FKBP9: variants seen among roughly 807,000 people sequenced by gnomAD.
The protein encoded by FKBP9 is peptidyl-prolyl cis-trans isomerase FKBP9.
Under a neutral mutation model 55.6 loss-of-function variants are expected in FKBP9, and 27 were observed. The ratio of observed to expected loss-of-function variants is 0.49; its 90% CI spans 0.36 to 0.67. The LOEUF (loss-of-function observed/expected upper bound fraction) is 0.67, where lower values mean the gene tolerates loss of function less well. FKBP9 is among the 30% of genes least tolerant of loss of function. The pLI, the probability that FKBP9 is intolerant of heterozygous loss-of-function variation, is 0.00. For missense variants in FKBP9, 539 were observed against 742.8 expected, an observed-to-expected ratio of 0.73 and a Z score of 3.19; for synonymous variants, 267 against 296.5, an observed-to-expected ratio of 0.90 and a Z score of 1.02.
intron 6 of FKBP9, among the ~76,000 whole-genome samples, chr7:32,990,839 A>G (rs1458302516): frequency 3.9e-5 from 6 of 152,208 alleles, no homozygotes; most frequent in African/African-American, 1.2e-4. Flanking sequence ...CATCATATGT[A>G]TCTTGAGAGT....
chr7:32,963,568 A>T, intron 1 of FKBP9: 19 of 1,306,402 alleles, frequency 1.5e-5, no homozygotes, highest in Non-Finnish European at 1.9e-5. Context: ...CGGAGGATAA[A>T]GCTGACAAAA....
At chr7:32,980,320 A>G in intron 4 of FKBP9, 44 bp from the exon 5 acceptor site, 2 of 1,549,012 alleles carry the variant, frequency 1.3e-6, no homozygotes, top group Middle Eastern at 1.7e-4. Flanking sequence ...AGTACTTCCT[A>G]AATCCTGTGT....
intron 9 of FKBP9, among the ~76,000 whole-genome samples, chr7:33,004,403 C>T (rs575302456): frequency 5.4e-4 from 83 of 152,314 alleles, no homozygotes; most frequent in African/African-American, 1.9e-3. Flanking sequence ...CCACTTTACC[C>T]GGCCACACCT....
rs765311311 is a variant in FKBP9, at chr7:32,996,126, A to G, written c.1040-37A>G. On this transcript the variant is annotated intron_variant, in intron 6 of 9. Transcript: ENST00000242209. ...GGGAGGCCCATGTGCTGCAGCCTGC[A>G]GGGGTCATTCATTAATTCCCCGTGT... is the stretch of plus-strand genomic sequence containing the variant. 8.7e-6 allele frequency: 14 copies of G among 1,601,150 alleles called. 1 individual carries two copies. In the South Asian group the frequency reaches 1.6e-4, roughly 18 times the overall value.
intron 1 of FKBP9, among the ~76,000 whole-genome samples, chr7:32,963,030 T>C (rs1393891656): frequency 6.6e-6 from 1 of 152,204 alleles, no homozygotes; most frequent in Non-Finnish European, 1.5e-5. Flanking sequence ...GTATTATGCA[T>C]AGATACCTCT....
intron 4 of FKBP9, among the ~76,000 whole-genome samples, chr7:32,978,264 C>G (rs1289765797): frequency 2.0e-5 from 3 of 151,362 alleles, no homozygotes; most frequent in Middle Eastern, 3.4e-3. Flanking sequence ...CAGATGGTTT[C>G]TTAAACAGAG....
intron 9 of FKBP9, among the ~76,000 whole-genome samples, chr7:33,003,745 C>T (rs1049463566): frequency 2.0e-5 from 3 of 152,220 alleles, no homozygotes; most frequent in South Asian, 2.1e-4. Context: ...CTCCCTGGTA[C>T]GTCCCTCTCA....
chr7:32,986,528 C>G (rs1387736542), intron 5 of FKBP9, among the ~76,000 whole-genome samples: 3 of 152,214 alleles, frequency 2.0e-5, no homozygotes, highest in Non-Finnish European at 1.5e-5. Context: ...GCCTTCCTGG[C>G]CAGTGCACCA....
At chr7:32,986,439 G>A (rs966129643) in intron 5 of FKBP9, among the ~76,000 whole-genome samples, 3 of 152,318 alleles carry the variant, frequency 2.0e-5, no homozygotes, top group South Asian at 4.1e-4. Flanking sequence ...TGGGAACCTC[G>A]GGAGGGTGAG....
chr7:32,998,102 A>G (rs1434911402), intron 7 of FKBP9, among the ~76,000 whole-genome samples: 1 of 152,228 alleles, frequency 6.6e-6, no homozygotes, highest in Non-Finnish European at 1.5e-5. Flanking sequence ...CCAGATGTAC[A>G]GGGACCTGGC....
At chr7:32,984,358 A>G (rs974872241) in intron 5 of FKBP9, among the ~76,000 whole-genome samples, 4 of 151,994 alleles carry the variant, frequency 2.6e-5, no homozygotes, top group African/African-American at 9.7e-5. Context: ...CTCAGCTTCC[A>G]GAGTAGCTGG....
chr7:32,999,998 T>C, intron 7 of FKBP9, 117 bp from the exon 8 acceptor site: 1 of 1,138,154 alleles, frequency 8.8e-7, no homozygotes, highest in Admixed American at 2.0e-5. Flanking sequence ...CATGATTAGA[T>C]AGGGATTTGC....
intron 2 of FKBP9, 99 bp from the exon 3 acceptor site, chr7:32,975,083 C>G: frequency 3.2e-6 from 3 of 929,906 alleles, no homozygotes; most frequent in Admixed American, 2.1e-5. Context: ...CTGCTTGAAC[C>G]CTTTTGGCCC....
intron 7 of FKBP9, 102 bp from the exon 8 acceptor site, chr7:33,000,013 C>G: frequency 1.4e-6 from 2 of 1,406,836 alleles, no homozygotes; most frequent in Non-Finnish European, 2.0e-6. Flanking sequence ...ATTTGCATTT[C>G]TTTGGTAGAA....
At chr7:32,985,929 G>A (rs764503067) in intron 5 of FKBP9, among the ~76,000 whole-genome samples, 2 of 152,114 alleles carry the variant, frequency 1.3e-5, no homozygotes, top group Non-Finnish European at 1.5e-5. Flanking sequence ...GGAGACAGAG[G>A]TTGCAGTGAG....
At chr7:33,001,404 G>A (rs1275699081) in intron 8 of FKBP9, among the ~76,000 whole-genome samples, 1 of 151,918 alleles carries the variant, frequency 6.6e-6, no homozygotes, top group African/African-American at 2.4e-5. Context: ...GCATGGTGGC[G>A]GGCACCTATA....
At chr7:32,982,695 C>T (rs1784503042) in intron 5 of FKBP9, among the ~76,000 whole-genome samples, 1 of 152,136 alleles carries the variant, frequency 6.6e-6, no homozygotes, top group South Asian at 2.1e-4. Flanking sequence ...TGAAAGACCA[C>T]TTTTCTGTGT....
In FKBP9 at chr7:32,963,408, G is replaced by A. The variant is rs1045595344; in HGVS notation, c.221+5614G>A. 1.8e-5 allele frequency: 7 copies of A among 398,874 alleles called. No homozygotes were observed. In the East Asian group the frequency reaches 1.8e-4, roughly 10 times the overall value. The allele number at this position is 398,874 out of a possible 1,614,324, so 24.7% of individuals were successfully genotyped here. A position where few individuals can be genotyped will look rare whatever the true frequency, so the allele number is the denominator to read the frequency against. Reference sequence around the variant, plus strand: ...TGCTTCTGTTCAGAATCTTGTGAAGGGAAGGTTTTTGTTCAGAGGAGTAAG... The same window carrying A: ...TGCTTCTGTTCAGAATCTTGTGAAGAGAAGGTTTTTGTTCAGAGGAGTAAG... On this transcript the variant is annotated intron_variant, in intron 1 of 9. Transcript: ENST00000242209.
rs1285334742 is a variant in FKBP9, at chr7:32,981,456, G to A, written c.893+903G>A. ...CAATTGTAGAGATGGCTTGTGTTTG[G>A]CCTGTTTTGCTCATTCTAGTGGCAT... On this transcript the variant is annotated intron_variant, in intron 5 of 9. Transcript: ENST00000242209. 9.9e-5 allele frequency among the ~76,000 whole-genome samples: 15 copies of A among 152,064 alleles called. 1 individual carries two copies. The East Asian group carries it at 2.9e-3, about 29-fold the overall frequency.
Sources: gnomAD v4.1 joint callset for allele counts (sites outside exome capture counted in the v4.1 genomes callset) on GRCh38, gnomAD v4.1.1 for gene constraint, MANE v1.5 for transcripts, NCBI Gene and HGNC (gene_info 2026-07-23, HGNC 2026-07-21) for gene names.